The following SP6 variants were observed in gnomAD, a reference collection of about 807,000 sequenced individuals.
SP6 encodes the protein Sp6 transcription factor.
SP6 carries 10 observed loss-of-function variants against 23.4 expected under a neutral mutation model. The ratio of observed to expected loss-of-function variants is 0.43; its 90% CI spans 0.26 to 0.72. The LOEUF (loss-of-function observed/expected upper bound fraction) is 0.72, where lower values mean the gene tolerates loss of function less well. SP6 is among the 30% of genes least tolerant of loss of function. SP6 has a pLI of 0.23. For synonymous variants in SP6, 238 were observed against 238.7 expected (o/e 1.00, Z 0.03); for missense variants, 482 against 523.8 (o/e 0.92, Z 0.78).
At chr17:47,863,993 G>A in the SP6 span, among the ~76,000 whole-genome samples, 4,741 of 146,426 alleles carry the variant, frequency 0.032, 278 homozygotes, top group African/African-American at 0.11. Flanking sequence ...ATGAGCTACC[G>A]CGCCTGGCTT....
chr17:47,857,915 G>A (rs1050328232), upstream of SP6, among the ~76,000 whole-genome samples: 5 of 151,304 alleles, frequency 3.3e-5, no homozygotes, highest in Admixed American at 2.6e-4. Flanking sequence ...CCGCCCCCTG[G>A]CCCCCACACG....
At chr17:47,850,657 A>C (rs2033944470) in intron 1 of SP6, among the ~76,000 whole-genome samples, 1 of 152,092 alleles carries the variant, frequency 6.6e-6, no homozygotes, top group South Asian at 2.1e-4. Flanking sequence ...GCCTCTCTGG[A>C]TCACCGGCTA....
Position 47,846,417 on chromosome 17 carries a change from G to A in SP6, c.*882C>T, listed in dbSNP as rs2033885488. Reference sequence around the variant, plus strand: ...GCTGGCTGCCTTGAAAACACACCTAGGGTAATAGATGGGGAATGTGAGACT... The same window carrying A: ...GCTGGCTGCCTTGAAAACACACCTAAGGTAATAGATGGGGAATGTGAGACT... On this transcript the variant is annotated 3_prime_UTR_variant, in exon 2 of 2. Coordinates refer to ENST00000536300, the MANE Select transcript of SP6 (RefSeq NM_001258248.2). 6.6e-6 allele frequency: 1 copy of A among 152,192 alleles called. No individual in the cohort carries two copies. Among genetic ancestry groups the A allele is most frequent in the Non-Finnish European group, 1.5e-5 (1 of 68,062 alleles). The allele number at this position is 152,192 out of a possible 1,614,324, so 9.4% of individuals were successfully genotyped here. A position where few individuals can be genotyped will look rare whatever the true frequency, so the allele number is the denominator to read the frequency against.
rs1412833771 is a variant in SP6, at chr17:47,848,630, G to A, written c.-57-144C>T. On this transcript the variant is annotated intron_variant, in intron 1 of 1. Transcript: ENST00000536300. The surrounding 1 kb of genome is among the most constrained non-coding windows in gnomAD (Gnocchi z 5.3). ...AGAGATGAGTTTAGAGAATTCGGGA[G>A]TGCGAGGAAGGGTCCAAGATGTGAG... 3.7e-6 allele frequency: 2 copies of A among 539,488 alleles called. No individual in the cohort carries two copies. The highest frequency in any genetic ancestry group is 3.6e-5 in the Admixed American group (1 of 27,720). 33.4% of individuals were successfully genotyped at this position (539,488 alleles called of 1,614,324 possible).
upstream of SP6, among the ~76,000 whole-genome samples, chr17:47,858,416 C>T (rs1412651083): frequency 6.6e-6 from 1 of 152,158 alleles, no homozygotes; most frequent in African/African-American, 2.4e-5. Flanking sequence ...TATACCTGCT[C>T]CAAAGGCAGA....
chr17:47,847,248 C>A lies in SP6; in HGVS notation c.*51G>T. 2.1e-6 allele frequency: 3 copies of A among 1,453,520 alleles called. No individual in the cohort carries two copies. The highest frequency in any genetic ancestry group is 2.7e-6 in the Non-Finnish European group (3 of 1,101,644). The allele number at this position is 1,453,520 out of a possible 1,614,324, so 90.0% of individuals were successfully genotyped here. ...CCCCCAAGGACGTCAGACCTGGGGG[C>A]TCGCATCCAGTGCCCCCCGGGATAC... On this transcript the variant is annotated 3_prime_UTR_variant, in exon 2 of 2. Transcript: ENST00000536300.
At chr17:47,857,479 AAG>A (rs1479073885), upstream of SP6, among the ~76,000 whole-genome samples, 1 of 152,176 alleles carries the variant, frequency 6.6e-6, no homozygotes, top group Non-Finnish European at 1.5e-5. Flanking sequence ...TCCAGTCCAA[AAG>A]ATGGGAGAAT....
In SP6 at chr17:47,848,053, C is replaced by A. The variant is rs1476618443; in HGVS notation, c.377G>T (p.Gly126Val). 1 of 1,612,712 alleles carries A rather than the reference C, an allele frequency of 6.2e-7. No individual in the cohort carries two copies. ...EDGSWWDLHP[G>V]TSWMDLPHTQ... is the part of the protein sequence containing the mutation. Reference sequence around the variant, plus strand: ...GTGGGGGAGGTCCATCCAGCTGGTGCCCGGATGAAGGTCCCACCACGAGCC... The same window carrying A: ...GTGGGGGAGGTCCATCCAGCTGGTGACCGGATGAAGGTCCCACCACGAGCC... The change falls in exon 2 of 2, where the codon GGC becomes GTC. Residue 126 changes from glycine to valine, a missense_variant. Gly to Val is a moderately radical substitution (Grantham distance 109). This residue lies in a region of SP6 where 330 missense variants were observed against 332.3 expected (regional missense o/e 0.99). Coordinates refer to ENST00000536300, the MANE Select transcript of SP6 (RefSeq NM_001258248.2). The surrounding 1 kb of genome is among the most constrained non-coding windows in gnomAD (Gnocchi z 5.3).
chr17:47,862,144 G>T, the SP6 span, among the ~76,000 whole-genome samples: 1 of 151,630 alleles, frequency 6.6e-6, no homozygotes, highest in East Asian at 1.9e-4. Flanking sequence ...TCAGGAGTTC[G>T]AGACCAGCCT....
chr17:47,869,949 G>A, the SP6 span, among the ~76,000 whole-genome samples: 2 of 152,198 alleles, frequency 1.3e-5, no homozygotes, highest in African/African-American at 4.8e-5. Context: ...TTTGTCTTAT[G>A]ATTCCTTTAA....
chr17:47,855,317 C>T (rs117358207), upstream of SP6, among the ~76,000 whole-genome samples: 150 of 152,294 alleles, frequency 9.8e-4, 4 homozygotes, highest in East Asian at 0.027. Flanking sequence ...TGGTTTCTCC[C>T]TTACTATCCT....
upstream of SP6, among the ~76,000 whole-genome samples, chr17:47,855,189 C>T (rs1240633438): frequency 2.6e-5 from 4 of 152,214 alleles, no homozygotes; most frequent in Admixed American, 2.0e-4. Context: ...ATCTGTATGT[C>T]GGTGTGTGTA....
At chr17:47,860,964 A>G in the SP6 span, among the ~76,000 whole-genome samples, 1 of 152,180 alleles carries the variant, frequency 6.6e-6, no homozygotes, top group Non-Finnish European at 1.5e-5. Context: ...AGGGTCATCC[A>G]GAGAACCTCC....
upstream of SP6, among the ~76,000 whole-genome samples, chr17:47,858,500 G>A (rs77102057): frequency 0.035 from 5,362 of 152,268 alleles, 312 homozygotes; most frequent in African/African-American, 0.12. Context: ...GCAGGTGAGA[G>A]TTTACCTTCA....
rs1362837320 is a variant in SP6, at chr17:47,848,482, G to C, written c.-53C>G. ...AGGGACGGTCAGGGGCACCTCAGAC[G>C]GGACCTAAAGGAGGCGAAGAAGCAG... On this transcript the variant is annotated 5_prime_UTR_variant, in exon 2 of 2. Transcript: ENST00000536300. The surrounding 1 kb of genome is among the most constrained non-coding windows in gnomAD (Gnocchi z 5.3). 1 of 1,426,850 alleles carries C rather than the reference G, an allele frequency of 7.0e-7. No homozygotes were observed. The highest frequency in any genetic ancestry group is 2.9e-5 in the Admixed American group (1 of 34,732). 88.4% of individuals were successfully genotyped at this position (1,426,850 alleles called of 1,614,324 possible).
chr17:47,857,972 G>A (rs1598065266), upstream of SP6, among the ~76,000 whole-genome samples: 1 of 139,638 alleles, frequency 7.2e-6, no homozygotes, highest in South Asian at 2.4e-4. Context: ...GCCAGCCCTC[G>A]GATCTCAGGT....
chr17:47,848,702 G>A lies in SP6; in HGVS notation c.-57-216C>T, dbSNP rs887182214. Among the ~76,000 whole-genome samples, 7 of 152,066 alleles carry A rather than the reference G, an allele frequency of 4.6e-5. No individual in the cohort carries two copies. Among genetic ancestry groups the A allele is most frequent in the Non-Finnish European group, 4.4e-5 (3 of 67,992 alleles). On this transcript the variant is annotated intron_variant, in intron 1 of 1. Coordinates refer to ENST00000536300, the MANE Select transcript of SP6 (RefSeq NM_001258248.2). This position sits in a 1 kb window ranked among gnomAD's most constrained non-coding sequence, Gnocchi z 5.3. ...ATGATGGAGGTCTACCTTCCTCTGG[G>A]TGATCCCTGCCGTATGACCCAGCTC...
rs936211227 is a variant in SP6 at position 47,848,358 on chromosome 17, G to T, written c.72C>A (p.Leu24=). The T allele has an allele frequency of 1.9e-6, 3 of 1,595,018 alleles. No homozygotes were observed. The highest frequency in any genetic ancestry group is 2.6e-6 in the Non-Finnish European group (3 of 1,170,960). The change falls in exon 2 of 2, where the codon CTC becomes CTA. Residue 24 remains leucine (L), a synonymous_variant. Transcript: ENST00000536300. The surrounding 1 kb of genome is among the most constrained non-coding windows in gnomAD (Gnocchi z 5.3). ...GGTAAGTTTGGAGAGGCTGCAGGTC[G>T]AGGCGCGGCGGGGAGGCGTGCGGCG... ...TEAPHASPPR[L]DLQPLQTYQG...
In SP6 at chr17:47,847,870, T is replaced by C; in HGVS notation, c.560A>G (p.Asp187Gly). Residue 187 changes from aspartate to glycine, a missense_variant, in exon 2 of 2, where the codon GAC (aspartate) becomes GGC (glycine). Physicochemically the swap from Asp to Gly is moderately conservative, Grantham distance 94. Around this residue, in one of 3 missense-constraint regions of SP6, gnomAD observed 330 missense variants for 332.3 expected, o/e 0.99. Transcript: ENST00000536300. Reference sequence around the variant, plus strand: ...GGCTACTTCCAAGGCCTTAGCCCCGTCGGGCGGCCCTAGGAGATGCTGCCC... The same window carrying C: ...GGCTACTTCCAAGGCCTTAGCCCCGCCGGGCGGCCCTAGGAGATGCTGCCC... Reference protein sequence around the residue: ...AGGQHLLGPPDGAKALEVAAP... With the variant: ...AGGQHLLGPPGGAKALEVAAP... 6.5e-7 allele frequency: 1 copy of C among 1,540,052 alleles called. No homozygotes were observed. The highest frequency in any genetic ancestry group is 8.7e-7 in the Non-Finnish European group (1 of 1,143,440).
Sources: allele counts gnomAD v4.1 joint callset (sites outside exome capture counted in the v4.1 genomes callset), GRCh38; gene constraint gnomAD v4.1.1; regional missense constraint gnomAD v4.1.1; non-coding constraint Gnocchi (gnomAD v3.1); transcripts MANE v1.5; gene names NCBI Gene and HGNC (gene_info 2026-07-23, HGNC 2026-07-21).